Variants in CNTN5 observed in about 807,000 individuals in gnomAD.
CNTN5 encodes the protein contactin 5.
Under a neutral mutation model 129.1 loss-of-function variants are expected in CNTN5, and 77 were observed. That is an observed-to-expected ratio of 0.60 (90% CI 0.50 to 0.72). The LOEUF (loss-of-function observed/expected upper bound fraction) is 0.72. Ranked by LOEUF, CNTN5 falls within the 30% of genes least tolerant of loss-of-function variation. The pLI is 0.00. For missense variants in CNTN5, 1,478 were observed against 1,328.8 expected, an observed-to-expected ratio of 1.11 and a Z score of -1.75; for synonymous variants, 509 against 465.6, an observed-to-expected ratio of 1.09 and a Z score of -1.20.
At chr11:99,885,679 T>C (rs1948883413) in intron 6 of CNTN5, among the ~76,000 whole-genome samples, 1 of 152,192 alleles carries the variant, frequency 6.6e-6, no homozygotes, top group Non-Finnish European at 1.5e-5. Context: ...CTGCACATAA[T>C]AATAACATTT....
intron 9 of CNTN5, among the ~76,000 whole-genome samples, chr11:100,002,544 T>C (rs951393042): frequency 6.6e-6 from 1 of 152,072 alleles, no homozygotes; most frequent in African/African-American, 2.4e-5. Flanking sequence ...CAGATAAAAA[T>C]CATGAGGATA....
At chr11:99,400,407 CT>C (rs926526918) in intron 2 of CNTN5, among the ~76,000 whole-genome samples, 4 of 151,980 alleles carry the variant, frequency 2.6e-5, no homozygotes, top group Admixed American at 6.6e-5. Context: ...GAATTTCATT[CT>C]TTTTTTATGG....
At chr11:99,565,099 T>G (rs1281972052) in intron 3 of CNTN5, among the ~76,000 whole-genome samples, 1 of 152,196 alleles carries the variant, frequency 6.6e-6, no homozygotes, top group East Asian at 1.9e-4. Context: ...ATTCATGTGT[T>G]TGGGCTTAAA....
At chr11:99,956,750 T>G in intron 7 of CNTN5, 56 bp from the exon 8 acceptor site, 6 of 1,307,832 alleles carry the variant, frequency 4.6e-6, no homozygotes, top group Non-Finnish European at 6.6e-6. Flanking sequence ...GTTTGAGCTT[T>G]GTCTGTTAAT....
chr11:99,048,007 G>T (rs1864281805), intron 1 of CNTN5, among the ~76,000 whole-genome samples: 1 of 151,538 alleles, frequency 6.6e-6, no homozygotes, highest in Non-Finnish European at 1.5e-5. Context: ...AAAAAAAGCA[G>T]TATATTTTAT....
intron 2 of CNTN5, among the ~76,000 whole-genome samples, chr11:99,425,365 C>A (rs1266311513): frequency 2.0e-5 from 3 of 152,194 alleles, no homozygotes; most frequent in Non-Finnish European, 4.4e-5. Flanking sequence ...TTCCAGGAAC[C>A]TGTCTGTCTC....
intron 8 of CNTN5, among the ~76,000 whole-genome samples, chr11:99,999,739 A>T (rs1242108341): frequency 6.6e-6 from 1 of 152,068 alleles, no homozygotes; most frequent in Non-Finnish European, 1.5e-5. Flanking sequence ...TCACAATAGC[A>T]AAGACTTGGA....
chr11:99,030,986 A>G (rs1241246590), intron 1 of CNTN5, among the ~76,000 whole-genome samples: 1 of 149,716 alleles, frequency 6.7e-6, no homozygotes, highest in African/African-American at 2.5e-5. Context: ...TTTAGTAGAG[A>G]CTGGGTTTCA....
At chr11:99,833,965 C>T (rs532743238) in intron 4 of CNTN5, among the ~76,000 whole-genome samples, 4 of 152,230 alleles carry the variant, frequency 2.6e-5, no homozygotes, top group Admixed American at 2.0e-4. Context: ...TTCCAAATGT[C>T]CTATAATTGC....
rs1242727879 is a variant in CNTN5 at position 99,607,408 on chromosome 11, C to G, written c.55+51139C>G. On this transcript the variant is annotated intron_variant, in intron 3 of 24. Transcript: ENST00000524871. ...TCAAAACCACTGTGAGATATCATCTCACACCAGTTAGAATGGCAATCATTA... is the reference window on the plus strand; with the variant it reads ...TCAAAACCACTGTGAGATATCATCTGACACCAGTTAGAATGGCAATCATTA... 2.5e-4 allele frequency among the ~76,000 whole-genome samples: 37 copies of G among 147,334 alleles called. 1 individual carries two copies. In the South Asian group the frequency reaches 6.4e-3, roughly 25 times the overall value.
intron 16 of CNTN5, among the ~76,000 whole-genome samples, chr11:100,240,258 C>G (rs1949711113): frequency 1.3e-5 from 2 of 151,636 alleles, no homozygotes; most frequent in Non-Finnish European, 2.9e-5. Context: ...AGGGACTGCT[C>G]TATTTAAGTG....
chr11:100,073,553 T>C (rs1944013303), intron 12 of CNTN5, among the ~76,000 whole-genome samples: 1 of 151,932 alleles, frequency 6.6e-6, no homozygotes, highest in Admixed American at 6.6e-5. Flanking sequence ...CAAAAGTGTT[T>C]TGATCTAAAT....
At chr11:100,155,984 A>G (rs11223002) in intron 13 of CNTN5, among the ~76,000 whole-genome samples, 28,148 of 151,970 alleles carry the variant, frequency 0.19, 2,754 homozygotes, top group Non-Finnish European at 0.22. Context: ...TCCTATTTTA[A>G]TACCCTTTAT....
intron 13 of CNTN5, among the ~76,000 whole-genome samples, chr11:100,114,160 C>A (rs1001366151): frequency 6.6e-6 from 1 of 152,032 alleles, no homozygotes; most frequent in Non-Finnish European, 1.5e-5. Context: ...CTGATGTGTT[C>A]CACTGTATGA....
intron 3 of CNTN5, among the ~76,000 whole-genome samples, chr11:99,711,529 T>C (rs553514937): frequency 2.0e-5 from 3 of 152,094 alleles, no homozygotes; most frequent in South Asian, 4.1e-4. Flanking sequence ...ATATGCATAA[T>C]GTGCAGGTTC....
At chr11:99,521,056 G>T (rs1947257251) in intron 2 of CNTN5, among the ~76,000 whole-genome samples, 1 of 152,022 alleles carries the variant, frequency 6.6e-6, no homozygotes, top group Non-Finnish European at 1.5e-5. Flanking sequence ...AAATTTAGAA[G>T]AGCCAGAACC....
At chr11:99,901,809 G>A (rs1416636025) in intron 6 of CNTN5, among the ~76,000 whole-genome samples, 1 of 152,136 alleles carries the variant, frequency 6.6e-6, no homozygotes. Context: ...GGTGCTAGAT[G>A]CTGGATACAA....
intron 13 of CNTN5, among the ~76,000 whole-genome samples, chr11:100,163,094 T>C (rs1208965960): frequency 1.3e-5 from 2 of 151,774 alleles, no homozygotes; most frequent in Non-Finnish European, 2.9e-5. Context: ...GCAAAAATTA[T>C]CTTTCAAAAT....
chr11:99,678,151 C>T (rs1392635364), intron 3 of CNTN5, among the ~76,000 whole-genome samples: 2 of 152,056 alleles, frequency 1.3e-5, no homozygotes, highest in African/African-American at 2.4e-5. Flanking sequence ...TCACTACACA[C>T]ACACATTATA....
Sources: gnomAD v4.1 joint callset for allele counts (sites outside exome capture counted in the v4.1 genomes callset) on GRCh38, gnomAD v4.1.1 for gene constraint, MANE v1.5 for transcripts, NCBI Gene and HGNC (gene_info 2026-07-23, HGNC 2026-07-21) for gene names.